The following SLC4A5 variants were observed in gnomAD, a reference collection of about 807,000 sequenced individuals.
SLC4A5 encodes solute carrier family 4 member 5, also known as electrogenic sodium bicarbonate cotransporter 4.
A neutral mutation model predicts 120.4 loss-of-function variants in SLC4A5; 96 were observed. The ratio of observed to expected loss-of-function variants is 0.80; its 90% CI spans 0.68 to 0.94. The LOEUF (loss-of-function observed/expected upper bound fraction) is 0.94, where lower values mean the gene tolerates loss of function less well. SLC4A5 is among the 40% of genes least tolerant of loss of function. The pLI, the probability that SLC4A5 is intolerant of heterozygous loss-of-function variation, is 0.00. For synonymous variants in SLC4A5, 550 were observed against 571.1 expected (o/e 0.96, Z 0.53); for missense variants, 1,259 against 1,459.5 (o/e 0.86, Z 2.24).
At position 74,227,198 on chromosome 2, in the gene SLC4A5, G is replaced by A. The variant is rs1694875268; in HGVS notation, c.2917-68C>T. On this transcript the variant is annotated intron_variant, in intron 26 of 30. Transcript: ENST00000394019. ...GGGCCCGCTGGGTCCTGGGACTAGG[G>A]GAAGGGGTGCCTGGGTGGGGTCTCA... is the stretch of plus-strand genomic sequence containing the variant. The A allele has an allele frequency of 1.9e-5, 29 of 1,497,406 alleles. No individual in the cohort carries two copies. In the South Asian group the frequency reaches 3.6e-4, roughly 19 times the overall value. The allele number at this position is 1,497,406 out of a possible 1,614,324, so 92.8% of individuals were successfully genotyped here.
At chr2:74,219,644 A>T (rs549347231) in intron 30 of SLC4A5, among the ~76,000 whole-genome samples, 60 of 152,306 alleles carry the variant, frequency 3.9e-4, no homozygotes, top group African/African-American at 1.4e-3. Flanking sequence ...GTGTAATTTA[A>T]CAGGGTTTTG....
chr2:74,288,219 G>A (rs1240324763), intron 7 of SLC4A5, among the ~76,000 whole-genome samples: 1 of 152,040 alleles, frequency 6.6e-6, no homozygotes, highest in African/African-American at 2.4e-5. Flanking sequence ...GTTCCTGCTT[G>A]GCAACAATCC....
At chr2:74,299,070 G>A (rs545014574) in intron 7 of SLC4A5, among the ~76,000 whole-genome samples, 7 of 152,218 alleles carry the variant, frequency 4.6e-5, no homozygotes, top group African/African-American at 1.2e-4. Context: ...AATAAATCTC[G>A]CCAGGCGCAG....
intron 18 of SLC4A5, 30 bp downstream of exon 18, chr2:74,248,323 A>G (rs778346818): frequency 1.2e-6 from 2 of 1,611,302 alleles, no homozygotes; most frequent in Non-Finnish European, 1.7e-6. Flanking sequence ...ATGCGAGAGC[A>G]GGCACTGGGG....
intron 21 of SLC4A5, among the ~76,000 whole-genome samples, chr2:74,239,107 CAAT>C (rs1670355557): frequency 6.6e-6 from 1 of 152,298 alleles, no homozygotes; most frequent in African/African-American, 2.4e-5. Flanking sequence ...TTAAAAAACA[CAAT>C]GAGATACTAC....
intron 30 of SLC4A5, among the ~76,000 whole-genome samples, chr2:74,220,495 C>A (rs1056410185): frequency 6.6e-6 from 1 of 152,152 alleles, no homozygotes; most frequent in African/African-American, 2.4e-5. Context: ...TACACTTAAG[C>A]CATGCCTAGT....
intron 8 of SLC4A5, among the ~76,000 whole-genome samples, chr2:74,270,540 G>A (rs1671440696): frequency 6.6e-6 from 1 of 152,224 alleles, no homozygotes; most frequent in Admixed American, 6.5e-5. Context: ...AGGCGTGGTG[G>A]CAGGCGCTTG....
At chr2:74,308,421 T>C (rs1348053886) in intron 6 of SLC4A5, among the ~76,000 whole-genome samples, 1 of 152,240 alleles carries the variant, frequency 6.6e-6, no homozygotes, top group Non-Finnish European at 1.5e-5. Flanking sequence ...ATAGCCATTC[T>C]AATAGGTGTT....
chr2:74,235,074 T>C (rs753697957), intron 22 of SLC4A5, 27 bp downstream of exon 22: 2 of 1,565,100 alleles, frequency 1.3e-6, no homozygotes, highest in Admixed American at 3.4e-5. Context: ...GCAGACTGGA[T>C]GCCCAGAGCG....
chr2:74,250,701 T>C lies in SLC4A5; in HGVS notation c.1479-184A>G, dbSNP rs1670762974. 1.2e-5 allele frequency: 8 copies of C among 662,646 alleles called. No individual in the cohort carries two copies. The South Asian group carries it at 1.4e-4, about 11-fold the overall frequency. 41.0% of individuals were successfully genotyped at this position (662,646 alleles called of 1,614,324 possible). A position where few individuals can be genotyped will look rare whatever the true frequency, so the allele number is the denominator to read the frequency against. On this transcript the variant is annotated intron_variant, in intron 16 of 30. Coordinates refer to ENST00000394019, the Ensembl canonical transcript of SLC4A5. ...AATTCCTGTAGGACTGAGTTTGTGG[T>C]TGGCACCACCCACATTGGGAAGGGT...
At chr2:74,241,328 C>T (rs1670436671) in intron 20 of SLC4A5, among the ~76,000 whole-genome samples, 2 of 150,830 alleles carry the variant, frequency 1.3e-5, no homozygotes, top group Non-Finnish European at 2.9e-5. Flanking sequence ...TGCAGTGGTG[C>T]GATCTTGGCT....
intron 27 of SLC4A5, among the ~76,000 whole-genome samples, chr2:74,225,784 T>C (rs1694822432): frequency 6.6e-6 from 1 of 152,128 alleles, no homozygotes; most frequent in African/African-American, 2.4e-5. Context: ...GACCCACACA[T>C]TGAATTTTAC....
intron 8 of SLC4A5, among the ~76,000 whole-genome samples, chr2:74,284,328 C>T (rs1671911731): frequency 8.5e-6 from 1 of 117,580 alleles, no homozygotes; most frequent in South Asian, 2.5e-4. Context: ...AGGCGCCCGC[C>T]ACCGCGCCCG....
chr2:74,253,428 AT>A (rs1670856027), intron 14 of SLC4A5, among the ~76,000 whole-genome samples: 3 of 152,188 alleles, frequency 2.0e-5, no homozygotes. Context: ...CATCATACAT[AT>A]TAGAAAACCT....
exon 15 of SLC4A5, chr2:74,253,126 G>A (rs1371368172): frequency 1.9e-6 from 3 of 1,613,998 alleles, no homozygotes; most frequent in Non-Finnish European, 1.7e-6. Flanking sequence ...CGTCACTGAA[G>A]AGCTGGCGAG....
At chr2:74,228,000 G>T in intron 25 of SLC4A5, 122 bp from the exon 26 acceptor site, 1 of 680,824 alleles carries the variant, frequency 1.5e-6, no homozygotes. Flanking sequence ...TGGGGGAACA[G>T]AGAGTCAGCA....
At chr2:74,222,916 T>A in exon 29 of SLC4A5, 2 of 1,613,274 alleles carry the variant, frequency 1.2e-6, no homozygotes, top group Non-Finnish European at 1.7e-6. Context: ...ACACTTTCCA[T>A]GGGAATCTTT....
intron 9 of SLC4A5, 22 bp from the exon 10 acceptor site, chr2:74,264,321 C>T (rs1292192922): frequency 6.2e-7 from 1 of 1,609,088 alleles, no homozygotes; most frequent in East Asian, 2.2e-5. Flanking sequence ...ACATACACAC[C>T]TCATCCCTGT....
intron 5 of SLC4A5, among the ~76,000 whole-genome samples, chr2:74,321,841 C>A (rs773622530): frequency 2.0e-5 from 3 of 151,796 alleles, no homozygotes; most frequent in South Asian, 4.1e-4. Context: ...AAACCATTCA[C>A]GGTATTCTGG....
Sources: gnomAD v4.1 joint callset for allele counts (sites outside exome capture counted in the v4.1 genomes callset) on GRCh38, gnomAD v4.1.1 for gene constraint, MANE v1.5 for transcripts, NCBI Gene and HGNC (gene_info 2026-07-23, HGNC 2026-07-21) for gene names.